PPM1E: variants seen among roughly 807,000 people sequenced by gnomAD.
PPM1E encodes protein phosphatase 1E.
Under a neutral mutation model 65.9 loss-of-function variants are expected in PPM1E, and 20 were observed. The observed-to-expected ratio is 0.30, with a 90% confidence interval of 0.21 to 0.44. The LOEUF is 0.44. PPM1E is among the 20% of genes least tolerant of loss of function. PPM1E has a pLI of 1.00. For missense variants in PPM1E, 713 were observed against 953.1 expected, an observed-to-expected ratio of 0.75 and a Z score of 3.32; for synonymous variants, 352 against 374.9, an observed-to-expected ratio of 0.94 and a Z score of 0.70.
At chr17:58,934,725 G>C (rs1036344867) in intron 1 of PPM1E, among the ~76,000 whole-genome samples, 1 of 151,974 alleles carries the variant, frequency 6.6e-6, no homozygotes, top group Admixed American at 6.6e-5. Flanking sequence ...TCAGGAGTTT[G>C]AGACCAGCCT....
chr17:58,893,517 A>G (rs2051374163), intron 1 of PPM1E, among the ~76,000 whole-genome samples: 1 of 152,228 alleles, frequency 6.6e-6, no homozygotes. Context: ...GTAGAATGCT[A>G]TAAAGATGGA....
At chr17:58,878,983 T>A (rs1339278094) in intron 1 of PPM1E, among the ~76,000 whole-genome samples, 1 of 152,100 alleles carries the variant, frequency 6.6e-6, no homozygotes, top group Non-Finnish European at 1.5e-5. Context: ...TTTATTTTCC[T>A]CACCTTGCCA....
intron 1 of PPM1E, among the ~76,000 whole-genome samples, chr17:58,848,258 G>A (rs926632989): frequency 3.3e-5 from 5 of 151,912 alleles, no homozygotes; most frequent in African/African-American, 4.8e-5. Flanking sequence ...AATTGAATAC[G>A]CTTTATTTCC....
intron 1 of PPM1E, among the ~76,000 whole-genome samples, chr17:58,798,525 ATTT>A (rs78922975): frequency 5.6e-5 from 5 of 89,844 alleles, no homozygotes; most frequent in Admixed American, 1.1e-4. Flanking sequence ...ACACGGCCCT[ATTT>A]TTTTTTTTTT....
intron 1 of PPM1E, among the ~76,000 whole-genome samples, chr17:58,816,156 G>C (rs1437582408): frequency 6.6e-6 from 1 of 152,044 alleles, no homozygotes. Flanking sequence ...CTCCTGAGTA[G>C]CTGGGACTAC....
chr17:58,885,833 C>G (rs562437028), intron 1 of PPM1E, among the ~76,000 whole-genome samples: 37 of 152,330 alleles, frequency 2.4e-4, no homozygotes, highest in African/African-American at 8.2e-4. Context: ...ATTCTCCAAC[C>G]AAGTCAGGGG....
intron 1 of PPM1E, among the ~76,000 whole-genome samples, chr17:58,906,540 G>A (rs1249643865): frequency 1.3e-5 from 2 of 152,050 alleles, no homozygotes; most frequent in Non-Finnish European, 2.9e-5. Context: ...GTTTTGCCAT[G>A]TTGGCCACTC....
chr17:58,891,328 T>G (rs139716073), intron 1 of PPM1E, among the ~76,000 whole-genome samples: 1,694 of 152,090 alleles, frequency 0.011, 37 homozygotes, highest in African/African-American at 0.039. Flanking sequence ...TTTATTATTA[T>G]TATTATTATT....
Position 58,983,019 on chromosome 17 carries a change from T to C in PPM1E, c.*1988T>C, listed in dbSNP as rs2143852963. 6 of 1,096,424 alleles carry C rather than the reference T, an allele frequency of 5.5e-6. No individual in the cohort carries two copies. The highest frequency in any genetic ancestry group is 4.8e-5 in the African/African-American group (3 of 63,032). 67.9% of individuals were successfully genotyped at this position (1,096,424 alleles called of 1,614,324 possible). A position where few individuals can be genotyped will look rare whatever the true frequency, so the allele number is the denominator to read the frequency against. ...AAAAAAAGCTTTTTAAAATTTCTAT[T>C]GTTGTCTATTGGTAATGTTTTTGAT... On this transcript the variant is annotated 3_prime_UTR_variant, in exon 7 of 7. Coordinates refer to ENST00000308249, the MANE Select transcript of PPM1E (RefSeq NM_014906.5).
intron 1 of PPM1E, among the ~76,000 whole-genome samples, chr17:58,787,624 T>C (rs1174513836): frequency 6.6e-6 from 1 of 151,634 alleles, no homozygotes; most frequent in Non-Finnish European, 1.5e-5. Flanking sequence ...AGTAAAGAAA[T>C]GGGGCCAGGC....
chr17:58,945,240 G>C (rs2143614115), intron 1 of PPM1E, among the ~76,000 whole-genome samples: 1 of 151,986 alleles, frequency 6.6e-6, no homozygotes, highest in East Asian at 1.9e-4. Context: ...CACCTCCTGG[G>C]TTCAAGCGAT....
At chr17:58,839,173 A>C (rs1394059853) in intron 1 of PPM1E, among the ~76,000 whole-genome samples, 1 of 152,096 alleles carries the variant, frequency 6.6e-6, no homozygotes, top group Admixed American at 6.5e-5. Flanking sequence ...GTACAAATTT[A>C]ACAATAGCTT....
At chr17:58,792,576 A>C (rs1389635978) in intron 1 of PPM1E, among the ~76,000 whole-genome samples, 2 of 151,402 alleles carry the variant, frequency 1.3e-5, no homozygotes, top group African/African-American at 2.4e-5. Flanking sequence ...TTCTGAGCTC[A>C]AGTGATCTGA....
rs1378699977 is a variant in PPM1E at position 58,980,978 on chromosome 17, A to G, written c.2215A>G (p.Lys739Glu). ...GYSENMRKLR[K>E]THDIPCPDLP... is the part of the protein sequence containing the mutation. ...CAGTGAAAACATGAGGAAGCTCAGA[A>G]AGACTCATGATATTCCATGCCCAGA... Residue 739 changes from lysine (K) to glutamate (E), a missense_variant, in exon 7 of 7, where the codon AAG becomes GAG. By Grantham distance (56) the Lys-to-Glu change is moderately conservative (BLOSUM62 1). Transcript: ENST00000308249. The surrounding 1 kb of genome is among the most constrained non-coding windows in gnomAD (Gnocchi z 4.7). 5.0e-6 allele frequency: 8 copies of G among 1,614,058 alleles called. No individual in the cohort carries two copies. In the Admixed American group the frequency reaches 5.0e-5, roughly 10 times the overall value.
chr17:58,865,565 T>C (rs1202897550), intron 1 of PPM1E, among the ~76,000 whole-genome samples: 1 of 152,006 alleles, frequency 6.6e-6, no homozygotes, highest in East Asian at 1.9e-4. Context: ...CCAGGTATGA[T>C]GGTGCACACT....
At chr17:58,789,729 C>T (rs200169938) in intron 1 of PPM1E, among the ~76,000 whole-genome samples, 3 of 95,036 alleles carry the variant, frequency 3.2e-5, no homozygotes, top group East Asian at 2.8e-4. Context: ...TGGATCACAT[C>T]TGAGAGTCAT....
chr17:58,814,842 T>A (rs1317211990), intron 1 of PPM1E, among the ~76,000 whole-genome samples: 1 of 152,234 alleles, frequency 6.6e-6, no homozygotes, highest in Non-Finnish European at 1.5e-5. Flanking sequence ...TAAAAATAGA[T>A]TCTGGGCCAG....
At chr17:58,891,057 G>A (rs2051338339) in intron 1 of PPM1E, among the ~76,000 whole-genome samples, 1 of 151,636 alleles carries the variant, frequency 6.6e-6, no homozygotes, top group South Asian at 2.1e-4. Flanking sequence ...TGCAACCTCT[G>A]CCTCACAGGT....
intron 1 of PPM1E, among the ~76,000 whole-genome samples, chr17:58,797,032 C>G (rs2050213584): frequency 6.6e-6 from 1 of 152,092 alleles, no homozygotes; most frequent in South Asian, 2.1e-4. Context: ...CACTGGAACT[C>G]GTGAGGCAGA....
Sources: gnomAD v4.1 joint callset for allele counts (sites outside exome capture counted in the v4.1 genomes callset) on GRCh38, gnomAD v4.1.1 for gene constraint, Gnocchi (gnomAD v3.1) non-coding constraint, MANE v1.5 for transcripts, NCBI Gene and HGNC (gene_info 2026-07-23, HGNC 2026-07-21) for gene names.